The following ATP8B4 variants were observed in gnomAD, a reference collection of about 807,000 sequenced individuals.
ATP8B4 encodes the protein ATPase phospholipid transporting 8B4 (putative).
A neutral mutation model predicts 145.6 loss-of-function variants in ATP8B4; 133 were observed. The ratio of observed to expected loss-of-function variants is 0.91; its 90% CI spans 0.79 to 1.05. ATP8B4 has a LOEUF of 1.05. ATP8B4 is among the 50% of genes least tolerant of loss of function. ATP8B4 has a pLI of 0.00. For missense variants in ATP8B4, 1,458 were observed against 1,425.2 expected, an observed-to-expected ratio of 1.02 and a Z score of -0.37; for synonymous variants, 507 against 492.9, an observed-to-expected ratio of 1.03 and a Z score of -0.38.
At chr15:49,972,129 G>A (rs1334560810) in intron 13 of ATP8B4, among the ~76,000 whole-genome samples, 4 of 152,136 alleles carry the variant, frequency 2.6e-5, no homozygotes, top group Admixed American at 6.5e-5. Context: ...TTGGGACGTG[G>A]GAGGCTAGGG....
At chr15:49,875,741 G>C (rs1195432921) in intron 25 of ATP8B4, among the ~76,000 whole-genome samples, 3 of 152,178 alleles carry the variant, frequency 2.0e-5, no homozygotes. Flanking sequence ...AAAGGAAATA[G>C]AGACACAACT....
At chr15:49,862,453 C>T (rs553996512) in intron 26 of ATP8B4, 78 bp from the exon 27 acceptor site, 15 of 1,415,208 alleles carry the variant, frequency 1.1e-5, no homozygotes, top group Non-Finnish European at 1.4e-5. Flanking sequence ...TTTGTTCCTA[C>T]AAGATCTTTT....
chr15:49,950,178 A>T (rs2042940357), intron 14 of ATP8B4, among the ~76,000 whole-genome samples: 1 of 152,196 alleles, frequency 6.6e-6, no homozygotes, highest in Admixed American at 6.5e-5. Flanking sequence ...GCTTCATAAA[A>T]TGAGTATGGA....
intron 1 of ATP8B4, among the ~76,000 whole-genome samples, chr15:50,171,031 C>T (rs984482282): frequency 1.3e-5 from 2 of 152,154 alleles, no homozygotes; most frequent in Non-Finnish European, 2.9e-5. Flanking sequence ...TACATATGCA[C>T]CTAACACTAG....
chr15:50,152,130 T>C (rs1011285946), intron 1 of ATP8B4, among the ~76,000 whole-genome samples: 1 of 152,198 alleles, frequency 6.6e-6, no homozygotes, highest in Non-Finnish European at 1.5e-5. Flanking sequence ...ATTTAGTTCA[T>C]TAAAGTTATT....
intron 20 of ATP8B4, among the ~76,000 whole-genome samples, chr15:49,906,945 T>C (rs929351826): frequency 6.6e-6 from 1 of 152,116 alleles, no homozygotes; most frequent in African/African-American, 2.4e-5. Flanking sequence ...CAGATAAATT[T>C]AGGGGAATCA....
rs570612497 is a variant in ATP8B4 at position 50,071,014 on chromosome 15, T to C, written c.87+3113A>G. ...CCTCGGACTCCCAAAGTTCTGGGAT[T>C]ACAGGCATGAATCACCATGCCCAGC... On this transcript the variant is annotated intron_variant, in intron 3 of 27. Transcript: ENST00000284509. Among the ~76,000 whole-genome samples, 20 of 152,302 alleles carry C rather than the reference T, an allele frequency of 1.3e-4. No individual in the cohort carries two copies. In the East Asian group the frequency reaches 3.9e-3, roughly 29 times the overall value.
chr15:50,090,126 A>G (rs917177603), intron 2 of ATP8B4, among the ~76,000 whole-genome samples: 2 of 152,160 alleles, frequency 1.3e-5, no homozygotes, highest in Non-Finnish European at 2.9e-5. Context: ...AGAACCAAAC[A>G]TCGCATGTTC....
Position 49,912,573 on chromosome 15 carries a change from C to T in ATP8B4, c.2141+4361G>A, listed in dbSNP as rs1183410647. ...AACCCAGAATTGGATGACTTCACTA[C>T]CAGATTCTACCAAACATGTAAAGAA... On this transcript the variant is annotated intron_variant, in intron 20 of 27. Coordinates refer to ENST00000284509, the MANE Select transcript of ATP8B4 (RefSeq NM_024837.4). 1.6e-4 allele frequency among the ~76,000 whole-genome samples: 24 copies of T among 152,026 alleles called. 1 individual carries two copies. The highest frequency in any genetic ancestry group is 1.6e-3 in the Admixed American group (24 of 15,252).
intron 1 of ATP8B4, among the ~76,000 whole-genome samples, chr15:50,172,599 C>T (rs1008904461): frequency 5.9e-5 from 9 of 151,728 alleles, no homozygotes; most frequent in Non-Finnish European, 8.8e-5. Context: ...TCTGCCTGGC[C>T]GCCCATCGTC....
chr15:50,071,118 T>C (rs1316635326), intron 3 of ATP8B4, among the ~76,000 whole-genome samples: 1 of 152,190 alleles, frequency 6.6e-6, no homozygotes, highest in Non-Finnish European at 1.5e-5. Context: ...CTCTACTGCC[T>C]TGTGATTGTT....
At chr15:49,933,931 A>C in intron 15 of ATP8B4, 86 bp downstream of exon 15, 1 of 1,382,370 alleles carries the variant, frequency 7.2e-7, no homozygotes, top group Non-Finnish European at 9.5e-7. Flanking sequence ...CAAATGCTTA[A>C]TTTGTAAATC....
intron 2 of ATP8B4, among the ~76,000 whole-genome samples, chr15:50,080,587 T>A (rs939832606): frequency 6.6e-6 from 1 of 151,894 alleles, no homozygotes; most frequent in Non-Finnish European, 1.5e-5. Flanking sequence ...CATAATACTA[T>A]CTTGCTAGAA....
chr15:50,035,172 G>T (rs1373438161), intron 6 of ATP8B4, among the ~76,000 whole-genome samples: 3 of 152,124 alleles, frequency 2.0e-5, no homozygotes, highest in Non-Finnish European at 4.4e-5. Flanking sequence ...AAGTGAAATT[G>T]TAGAGGAAGG....
At chr15:49,946,074 A>T (rs989290648) in intron 14 of ATP8B4, among the ~76,000 whole-genome samples, 1 of 152,208 alleles carries the variant, frequency 6.6e-6, no homozygotes, top group Non-Finnish European at 1.5e-5. Context: ...CTATGTGAAG[A>T]TGATGCTATC....
intron 1 of ATP8B4, among the ~76,000 whole-genome samples, chr15:50,131,437 C>A (rs1354742541): frequency 2.0e-5 from 3 of 152,148 alleles, no homozygotes; most frequent in Non-Finnish European, 4.4e-5. Flanking sequence ...GAATTTGAAC[C>A]TGACAGTCTG....
At chr15:50,088,284 T>C (rs919633276) in intron 2 of ATP8B4, among the ~76,000 whole-genome samples, 2 of 151,778 alleles carry the variant, frequency 1.3e-5, no homozygotes, top group African/African-American at 2.4e-5. Flanking sequence ...TTGGGAAGAA[T>C]TGCTTGAACC....
chr15:49,944,168 T>C (rs1257321011), intron 14 of ATP8B4, among the ~76,000 whole-genome samples: 1 of 152,096 alleles, frequency 6.6e-6, no homozygotes, highest in East Asian at 1.9e-4. Context: ...AAAGAACTAC[T>C]ATATAACAGA....
intron 8 of ATP8B4, among the ~76,000 whole-genome samples, 166 bp from the exon 9 acceptor site, chr15:49,996,925 A>C (rs1211727555): frequency 6.6e-6 from 1 of 152,164 alleles, no homozygotes. Flanking sequence ...GAAAGTAGGC[A>C]GGGCTTCTTG....
Sources: allele counts gnomAD v4.1 joint callset (sites outside exome capture counted in the v4.1 genomes callset), GRCh38; gene constraint gnomAD v4.1.1; transcripts MANE v1.5; gene names NCBI Gene and HGNC (gene_info 2026-07-23, HGNC 2026-07-21).